VAV2: variants seen among roughly 807,000 people sequenced by gnomAD.
The protein encoded by VAV2 is guanine nucleotide exchange factor VAV2.
In VAV2, 67 loss-of-function variants were observed where a neutral mutation model predicts 132.5. The observed-to-expected ratio is 0.51, with a 90% CI of 0.42 to 0.62. VAV2 has a LOEUF of 0.62. VAV2 is among the 20% of genes least tolerant of loss of function. VAV2 has a pLI of 0.00. For synonymous variants in VAV2, 492 were observed against 443.5 expected, an observed-to-expected ratio of 1.11 and a Z score of -1.37; for missense variants, 938 against 1,153.6, an observed-to-expected ratio of 0.81 and a Z score of 2.71.
chr9:133,822,257 C>T (rs1183508974), intron 4 of VAV2, among the ~76,000 whole-genome samples: 4 of 152,208 alleles, frequency 2.6e-5, no homozygotes, highest in South Asian at 4.1e-4. Context: ...GGCTGGGATG[C>T]GCCGCACTGG....
At chr9:133,778,031 G>A (rs1297396197) in intron 22 of VAV2, among the ~76,000 whole-genome samples, 1 of 152,194 alleles carries the variant, frequency 6.6e-6, no homozygotes, top group Non-Finnish European at 1.5e-5. Context: ...GCTTGGTAGA[G>A]GGGCCGAGGA....
chr9:133,871,864 G>T (rs1416025861), intron 2 of VAV2, among the ~76,000 whole-genome samples: 2 of 152,214 alleles, frequency 1.3e-5, no homozygotes, highest in African/African-American at 4.8e-5. Context: ...CACCTGCCCA[G>T]GGGTGGGGGC....
chr9:133,795,870 G>A (rs548470667), intron 11 of VAV2, 134 bp from the exon 12 acceptor site: 8 of 912,696 alleles, frequency 8.8e-6, no homozygotes, highest in Non-Finnish European at 1.3e-5. Context: ...CAGCCAGGCT[G>A]GGTTTGGCTG....
At chr9:133,854,132 ACACCCC>A (rs1837294636) in intron 3 of VAV2, among the ~76,000 whole-genome samples, 1 of 88,926 alleles carries the variant, frequency 1.1e-5, no homozygotes, top group African/African-American at 8.6e-5. Flanking sequence ...CTGCACACAC[ACACCCC>A]TTGCACCTGC....
chr9:133,812,341 G>T, intron 4 of VAV2, 125 bp from the exon 5 acceptor site: 1 of 853,948 alleles, frequency 1.2e-6, no homozygotes, highest in Non-Finnish European at 1.9e-6. Flanking sequence ...ACCTGCCCGG[G>T]CCTCAGTCTA....
chr9:133,950,551 G>A (rs1841524959), intron 1 of VAV2, among the ~76,000 whole-genome samples: 1 of 152,164 alleles, frequency 6.6e-6, no homozygotes, highest in South Asian at 2.1e-4. Flanking sequence ...GGACTTCAAG[G>A]TCAGGGTCAA....
chr9:133,946,597 C>A (rs758378638), intron 1 of VAV2, among the ~76,000 whole-genome samples: 3 of 152,232 alleles, frequency 2.0e-5, no homozygotes, highest in Non-Finnish European at 4.4e-5. Context: ...TAGCAGAGAC[C>A]GATTGCACGC....
At chr9:133,825,977 C>T (rs1588230610) in intron 4 of VAV2, among the ~76,000 whole-genome samples, 1 of 152,346 alleles carries the variant, frequency 6.6e-6, no homozygotes, top group South Asian at 2.1e-4. Flanking sequence ...TTTTATGATG[C>T]AATAAAGCAT....
chr9:133,981,978 C>T (rs1842708881), intron 1 of VAV2, among the ~76,000 whole-genome samples: 2 of 152,330 alleles, frequency 1.3e-5, no homozygotes, highest in African/African-American at 4.8e-5. Flanking sequence ...TTGGACCAGC[C>T]CCTGCCAAAG....
intron 2 of VAV2, among the ~76,000 whole-genome samples, chr9:133,904,113 C>T (rs1839547654): frequency 6.6e-6 from 1 of 152,206 alleles, no homozygotes; most frequent in Non-Finnish European, 1.5e-5. Context: ...CGGGTAAATT[C>T]TGTGCCCCAA....
intron 1 of VAV2, among the ~76,000 whole-genome samples, chr9:133,990,584 C>T (rs1474763232): frequency 6.6e-6 from 1 of 152,182 alleles, no homozygotes; most frequent in Non-Finnish European, 1.5e-5. Context: ...GGAATCCTGC[C>T]CGAGCAAGTC....
chr9:133,947,848 G>A (rs1303220521), intron 1 of VAV2, among the ~76,000 whole-genome samples: 1 of 150,746 alleles, frequency 6.6e-6, no homozygotes, highest in Non-Finnish European at 1.5e-5. Flanking sequence ...GGAGTGCAGT[G>A]GCGTGATCTC....
intron 12 of VAV2, 143 bp from the exon 13 acceptor site, chr9:133,792,012 A>AG (rs1554774201): frequency 1.9e-5 from 3 of 157,646 alleles, no homozygotes; most frequent in Non-Finnish European, 3.1e-5. Flanking sequence ...TGTGTGAATG[A>AG]GCTGTGCTGG....
intron 3 of VAV2, among the ~76,000 whole-genome samples, chr9:133,855,089 G>A (rs544611615): frequency 6.6e-6 from 1 of 152,346 alleles, no homozygotes; most frequent in Non-Finnish European, 1.5e-5. Context: ...GAAGAGAGTG[G>A]AGAGAGCAGG....
At chr9:133,897,497 C>T (rs1839258747) in intron 2 of VAV2, among the ~76,000 whole-genome samples, 1 of 152,142 alleles carries the variant, frequency 6.6e-6, no homozygotes, top group Non-Finnish European at 1.5e-5. Context: ...TCTCCTTGAA[C>T]GAAACTGGGT....
At chr9:133,828,725 G>A (rs781170142) in intron 4 of VAV2, among the ~76,000 whole-genome samples, 18 of 152,314 alleles carry the variant, frequency 1.2e-4, no homozygotes, top group East Asian at 7.7e-4. Context: ...ATTCTGATTC[G>A]TTACAAACAC....
At chr9:133,936,296 G>A (rs924735102) in intron 2 of VAV2, among the ~76,000 whole-genome samples, 3 of 147,180 alleles carry the variant, frequency 2.0e-5, no homozygotes, top group African/African-American at 7.6e-5. Context: ...AGGCTAAAGT[G>A]CAGTGGCGTG....
chr9:133,914,345 T>A (rs1410012494), intron 2 of VAV2, among the ~76,000 whole-genome samples: 1 of 152,026 alleles, frequency 6.6e-6, no homozygotes, highest in Non-Finnish European at 1.5e-5. Flanking sequence ...ATCTTCACAG[T>A]GGCCAAGAAA....
chr9:133,839,364 G>T (rs1203764599), intron 3 of VAV2, among the ~76,000 whole-genome samples: 1 of 152,114 alleles, frequency 6.6e-6, no homozygotes, highest in Non-Finnish European at 1.5e-5. Context: ...GTGGGTGCAT[G>T]GATAAGTGGA....
Sources: allele counts gnomAD v4.1 joint callset (sites outside exome capture counted in the v4.1 genomes callset), GRCh38; gene constraint gnomAD v4.1.1; transcripts MANE v1.5; gene names NCBI Gene and HGNC (gene_info 2026-07-23, HGNC 2026-07-21).